Variants in PTPRD observed in about 807,000 individuals in gnomAD.
PTPRD encodes protein tyrosine phosphatase receptor type D.
Under a neutral mutation model 214.5 loss-of-function variants are expected in PTPRD, and 34 were observed. The ratio of observed to expected loss-of-function variants is 0.16; its 90% confidence interval spans 0.12 to 0.21. The LOEUF (loss-of-function observed/expected upper bound fraction) is 0.21, where lower values mean the gene tolerates loss of function less well. Ranked by LOEUF, PTPRD falls within the 10% of genes least tolerant of loss-of-function variation. PTPRD has a pLI of 1.00. For missense variants in PTPRD, 2,545 were observed against 2,398.7 expected, an observed-to-expected ratio of 1.06 and a Z score of -1.27; for synonymous variants, 1,128 against 845.7, an observed-to-expected ratio of 1.33 and a Z score of -5.79.
At chr9:10,130,323 C>T (rs1037583082) in intron 3 of PTPRD, among the ~76,000 whole-genome samples, 1 of 152,064 alleles carries the variant, frequency 6.6e-6, no homozygotes, top group African/African-American at 2.4e-5. Context: ...GAATAACATA[C>T]CATTTTTTTC....
In PTPRD at chr9:8,596,871, T is replaced by C. The variant is rs549554802; in HGVS notation, c.352+36446A>G. 4.6e-5 allele frequency among the ~76,000 whole-genome samples: 7 copies of C among 152,232 alleles called. No individual in the cohort carries two copies. In the South Asian group the frequency reaches 1.2e-3, roughly 27 times the overall value. Reference sequence around the variant, plus strand: ...GATAGCTTTGGTTTTTAAGGTGCTATGGTTGGACTCCATTTGACACATTTA... The same window carrying C: ...GATAGCTTTGGTTTTTAAGGTGCTACGGTTGGACTCCATTTGACACATTTA... On this transcript the variant is annotated intron_variant, in intron 14 of 45. Transcript: ENST00000381196.
At chr9:10,364,575 T>C (rs1428546168) in intron 2 of PTPRD, among the ~76,000 whole-genome samples, 1 of 152,058 alleles carries the variant, frequency 6.6e-6, no homozygotes. Context: ...TTTGAAATTT[T>C]CAAAGAGTTG....
chr9:8,412,424 T>G (rs1240237749), intron 35 of PTPRD, among the ~76,000 whole-genome samples: 2 of 152,180 alleles, frequency 1.3e-5, no homozygotes, highest in African/African-American at 2.4e-5. Flanking sequence ...TAGGAAGAAT[T>G]AATTCACAGC....
intron 7 of PTPRD, among the ~76,000 whole-genome samples, chr9:9,673,685 C>T (rs1594874594): frequency 6.7e-6 from 1 of 149,852 alleles, no homozygotes; most frequent in Non-Finnish European, 1.5e-5. Context: ...TCTATAGATA[C>T]AGGAATCAAA....
intron 10 of PTPRD, among the ~76,000 whole-genome samples, chr9:9,144,217 C>G (rs927224040): frequency 1.3e-5 from 2 of 152,110 alleles, no homozygotes; most frequent in African/African-American, 4.8e-5. Context: ...GTGACAAAAC[C>G]CTGAGTTGAT....
chr9:10,447,128 G>A (rs1436640777), intron 2 of PTPRD, among the ~76,000 whole-genome samples: 1 of 150,410 alleles, frequency 6.6e-6, no homozygotes, highest in Non-Finnish European at 1.5e-5. Flanking sequence ...TCCTGTAGTG[G>A]AAGCAGCTTT....
At chr9:9,948,084 G>A (rs1431618121) in intron 4 of PTPRD, among the ~76,000 whole-genome samples, 1 of 151,956 alleles carries the variant, frequency 6.6e-6, no homozygotes, top group African/African-American at 2.4e-5. Flanking sequence ...CTCAGAACAT[G>A]AAGAGTAGTC....
chr9:9,223,034 T>G (rs2099957183), intron 9 of PTPRD, among the ~76,000 whole-genome samples: 1 of 152,028 alleles, frequency 6.6e-6, no homozygotes, highest in African/African-American at 2.4e-5. Flanking sequence ...TTTGTGTGTT[T>G]TAAATCTGAA....
intron 5 of PTPRD, among the ~76,000 whole-genome samples, chr9:9,906,015 T>C (rs1056352548): frequency 2.0e-5 from 3 of 151,964 alleles, no homozygotes; most frequent in East Asian, 1.9e-4. Flanking sequence ...TCTTTGTAAC[T>C]TGAAGTACAG....
intron 4 of PTPRD, among the ~76,000 whole-genome samples, chr9:10,014,972 T>C (rs538297435): frequency 1.3e-5 from 2 of 152,216 alleles, no homozygotes; most frequent in African/African-American, 4.8e-5. Flanking sequence ...CTTCAATATA[T>C]GGGATCTGTA....
At chr9:10,186,589 T>C (rs922339778) in intron 3 of PTPRD, among the ~76,000 whole-genome samples, 4 of 152,096 alleles carry the variant, frequency 2.6e-5, no homozygotes, top group African/African-American at 9.7e-5. Context: ...ATGACTAGCC[T>C]TGCCAAGATA....
intron 3 of PTPRD, among the ~76,000 whole-genome samples, chr9:10,151,802 G>A (rs1008117996): frequency 6.6e-6 from 1 of 152,064 alleles, no homozygotes; most frequent in Non-Finnish European, 1.5e-5. Flanking sequence ...GTTTTCTGTC[G>A]CTGTGGTTTT....
intron 3 of PTPRD, among the ~76,000 whole-genome samples, chr9:10,184,816 T>A (rs891131629): frequency 1.3e-5 from 2 of 152,210 alleles, no homozygotes; most frequent in Non-Finnish European, 2.9e-5. Flanking sequence ...AGAGAAGGCA[T>A]GTAAAACCCT....
chr9:9,951,366 T>C (rs1387985242), intron 4 of PTPRD, among the ~76,000 whole-genome samples: 1 of 152,222 alleles, frequency 6.6e-6, no homozygotes, highest in Non-Finnish European at 1.5e-5. Context: ...GTTTTAATTA[T>C]GAAAGTGGTA....
intron 8 of PTPRD, among the ~76,000 whole-genome samples, chr9:9,548,803 G>A (rs1025848482): frequency 4.0e-5 from 6 of 151,894 alleles, no homozygotes; most frequent in African/African-American, 1.2e-4. Flanking sequence ...TGGTCAATTC[G>A]GCAAGTAGAC....
chr9:9,954,246 C>A (rs1161600215), intron 4 of PTPRD, among the ~76,000 whole-genome samples: 1 of 129,638 alleles, frequency 7.7e-6, no homozygotes, highest in Non-Finnish European at 1.5e-5. Context: ...TGAGCCAAGA[C>A]TGTGCCACTG....
intron 10 of PTPRD, among the ~76,000 whole-genome samples, chr9:9,161,299 A>G (rs1264452406): frequency 6.6e-6 from 1 of 152,112 alleles, no homozygotes; most frequent in Non-Finnish European, 1.5e-5. Context: ...AGTGACCTGT[A>G]GTGTAGACAA....
chr9:8,548,306 C>A (rs59716145), intron 14 of PTPRD, among the ~76,000 whole-genome samples: 20,190 of 151,864 alleles, frequency 0.13, 1,412 homozygotes, highest in South Asian at 0.16. Context: ...TGGCCAGGTC[C>A]AACTGTGACA....
chr9:9,645,695 T>C (rs1367208186), intron 7 of PTPRD, among the ~76,000 whole-genome samples: 1 of 152,000 alleles, frequency 6.6e-6, no homozygotes, highest in Non-Finnish European at 1.5e-5. Context: ...TTCATTTTTC[T>C]TATTTCACTT....
Sources: allele counts gnomAD v4.1 joint callset (sites outside exome capture counted in the v4.1 genomes callset), GRCh38; gene constraint gnomAD v4.1.1; transcripts MANE v1.5; gene names NCBI Gene and HGNC (gene_info 2026-07-23, HGNC 2026-07-21).